KCND3: variants seen among roughly 807,000 people sequenced by gnomAD.
The protein encoded by KCND3 is potassium voltage-gated channel subfamily D member 3.
A neutral mutation model predicts 51.1 loss-of-function variants in KCND3; 9 were observed. That is an observed-to-expected ratio of 0.18 (90% CI 0.11 to 0.31). The LOEUF is 0.31. Among genes scored for constraint, KCND3 ranks in the 10% least tolerant of loss-of-function variants. KCND3 has a pLI of 1.00. For missense variants in KCND3, 526 were observed against 903.8 expected, an observed-to-expected ratio of 0.58 and a Z score of 5.36; for synonymous variants, 349 against 368.0, an observed-to-expected ratio of 0.95 and a Z score of 0.59.
Position 111,982,546 on chromosome 1 carries a change from A to G in KCND3, c.181T>C (p.Tyr61His). ...FQTWRTTLER[Y>H]PDTLLGSTEK... ...GTGCTGCCCAGCAGGGTGTCCGGGTAGCGCTCCAGCGTGGTCCTCCAGGTC... is the reference window on the plus strand; with the variant it reads ...GTGCTGCCCAGCAGGGTGTCCGGGTGGCGCTCCAGCGTGGTCCTCCAGGTC... The change falls in exon 2 of 8, where the codon TAC (tyrosine) becomes CAC (histidine). Residue 61 changes from tyrosine to histidine, a missense_variant. Physicochemically the swap from Tyr to His is moderately conservative, Grantham distance 83 (BLOSUM62 2). Transcript: ENST00000302127. This position sits in a 1 kb window ranked among gnomAD's most constrained non-coding sequence, Gnocchi z 8.5. 6.2e-7 allele frequency: 1 copy of G among 1,608,718 alleles called. No individual in the cohort carries two copies. The highest frequency in any genetic ancestry group is 8.5e-7 in the Non-Finnish European group (1 of 1,175,716).
chr1:111,851,717 G>A (rs980093728), intron 2 of KCND3, among the ~76,000 whole-genome samples: 1 of 152,196 alleles, frequency 6.6e-6, no homozygotes, highest in South Asian at 2.1e-4. Flanking sequence ...ATTCCCCAAC[G>A]CAGCACCTAG....
chr1:111,847,907 G>T (rs1319101227), intron 2 of KCND3, among the ~76,000 whole-genome samples: 1 of 152,214 alleles, frequency 6.6e-6, no homozygotes. Flanking sequence ...GGTTGACAGA[G>T]CTGTTGGTGG....
intron 2 of KCND3, among the ~76,000 whole-genome samples, chr1:111,956,303 A>C (rs1429150690): frequency 6.6e-6 from 1 of 152,090 alleles, no homozygotes; most frequent in African/African-American, 2.4e-5. Context: ...TGACTTTGTG[A>C]GGGCATCAAC....
intron 2 of KCND3, among the ~76,000 whole-genome samples, chr1:111,951,533 C>A (rs1319721672): frequency 1.3e-5 from 2 of 152,278 alleles, no homozygotes; most frequent in South Asian, 2.1e-4. Context: ...AGTATGGGAA[C>A]AACTAAGGGA....
At chr1:111,871,330 G>T (rs981964427) in intron 2 of KCND3, among the ~76,000 whole-genome samples, 3 of 152,166 alleles carry the variant, frequency 2.0e-5, no homozygotes, top group African/African-American at 7.2e-5. Context: ...GATTATCAAG[G>T]CAATGAAGGA....
At chr1:111,912,394 T>C (rs1670996631) in intron 2 of KCND3, among the ~76,000 whole-genome samples, 1 of 152,266 alleles carries the variant, frequency 6.6e-6, no homozygotes, top group Non-Finnish European at 1.5e-5. Context: ...GCCAGTCCTA[T>C]GAAAGCATAG....
At chr1:111,924,226 A>G (rs1242521535) in intron 2 of KCND3, among the ~76,000 whole-genome samples, 1 of 152,250 alleles carries the variant, frequency 6.6e-6, no homozygotes, top group East Asian at 1.9e-4. Context: ...CCTCTCTCTG[A>G]AGAGTTTCTA....
chr1:111,947,359 T>C (rs1385322691), intron 2 of KCND3, among the ~76,000 whole-genome samples: 2 of 152,222 alleles, frequency 1.3e-5, no homozygotes, highest in Non-Finnish European at 2.9e-5. Flanking sequence ...CTTGCCCTCA[T>C]GGAGCTTACA....
At chr1:111,794,703 G>T (rs1404703839) in intron 2 of KCND3, among the ~76,000 whole-genome samples, 3 of 152,142 alleles carry the variant, frequency 2.0e-5, no homozygotes, top group East Asian at 1.9e-4. Context: ...TTGTCCGGGG[G>T]CAAAAGACAA....
At chr1:111,911,967 G>A (rs1670969791) in intron 2 of KCND3, among the ~76,000 whole-genome samples, 1 of 152,206 alleles carries the variant, frequency 6.6e-6, no homozygotes, top group Non-Finnish European at 1.5e-5. Flanking sequence ...TGGAGTTCAA[G>A]ACGACTGAGG....
At chr1:111,885,464 G>C (rs1669526600) in intron 2 of KCND3, among the ~76,000 whole-genome samples, 1 of 152,222 alleles carries the variant, frequency 6.6e-6, no homozygotes, top group Middle Eastern at 3.2e-3. Flanking sequence ...CTTCAGGGCA[G>C]TGTGCACTAC....
intron 2 of KCND3, among the ~76,000 whole-genome samples, chr1:111,966,668 C>T (rs1440817195): frequency 1.3e-5 from 2 of 152,284 alleles, no homozygotes; most frequent in South Asian, 2.1e-4. Context: ...GACACAGAGT[C>T]CCCTAATGAC....
chr1:111,801,363 A>G (rs1194945518), intron 2 of KCND3, among the ~76,000 whole-genome samples: 1 of 152,228 alleles, frequency 6.6e-6, no homozygotes, highest in Non-Finnish European at 1.5e-5. Context: ...TCAAAGTGGA[A>G]GTCCACAGAG....
At chr1:111,927,212 T>C (rs564190622) in intron 2 of KCND3, among the ~76,000 whole-genome samples, 145 of 152,082 alleles carry the variant, frequency 9.5e-4, no homozygotes, top group Non-Finnish European at 1.8e-3. Context: ...ACCAACGAGA[T>C]GGGGCTGCCC....
intron 2 of KCND3, among the ~76,000 whole-genome samples, chr1:111,913,243 A>G (rs1480163609): frequency 2.6e-5 from 4 of 152,262 alleles, no homozygotes; most frequent in Non-Finnish European, 4.4e-5. Context: ...GCAATAGGCT[A>G]TACCATATAG....
chr1:111,918,914 G>C (rs987017199), intron 2 of KCND3, among the ~76,000 whole-genome samples: 1 of 151,956 alleles, frequency 6.6e-6, no homozygotes, highest in African/African-American at 2.4e-5. Flanking sequence ...TTAAATGACT[G>C]TGTGTAGAAG....
chr1:111,776,318 G>T, intron 7 of KCND3, 40 bp from the exon 8 acceptor site: 1 of 1,589,400 alleles, frequency 6.3e-7, no homozygotes, highest in Non-Finnish European at 8.6e-7. Flanking sequence ...GTTCCTGCTG[G>T]CCAGCGTCCC....
intron 2 of KCND3, among the ~76,000 whole-genome samples, chr1:111,897,624 G>A (rs1670184765): frequency 2.0e-5 from 3 of 152,214 alleles, no homozygotes; most frequent in Non-Finnish European, 4.4e-5. Flanking sequence ...AGGTCTGAGG[G>A]CAGTGGACTG....
intron 2 of KCND3, among the ~76,000 whole-genome samples, chr1:111,839,922 A>C (rs1161110543): frequency 6.6e-5 from 10 of 152,262 alleles, no homozygotes; most frequent in African/African-American, 2.2e-4. Flanking sequence ...TGGGTGCCTT[A>C]GTCCATTCGA....
Sources: gnomAD v4.1 joint callset for allele counts (sites outside exome capture counted in the v4.1 genomes callset) on GRCh38, gnomAD v4.1.1 for gene constraint, Gnocchi (gnomAD v3.1) non-coding constraint, MANE v1.5 for transcripts, NCBI Gene and HGNC (gene_info 2026-07-23, HGNC 2026-07-21) for gene names.